TNR: variants seen among roughly 807,000 people sequenced by gnomAD.
The protein encoded by TNR is tenascin-R.
In TNR, 45 loss-of-function variants were observed where a neutral mutation model predicts 150.4. The observed-to-expected ratio is 0.30, with a 90% CI of 0.24 to 0.38. The LOEUF is 0.38. TNR is among the 10% of genes least tolerant of loss of function. TNR has a pLI of 1.00. For missense variants in TNR, 1,544 were observed against 1,759.1 expected (o/e 0.88, Z 2.19); for synonymous variants, 687 against 678.4 (o/e 1.01, Z -0.20).
chr1:175,405,648 T>TGC (rs902746289), intron 3 of TNR, among the ~76,000 whole-genome samples: 3 of 143,112 alleles, frequency 2.1e-5, no homozygotes, highest in African/African-American at 7.8e-5. Context: ...TGTGTGTGTG[T>TGC]GCATACGCTT....
chr1:175,406,913 G>C, intron 2 of TNR, 136 bp from the exon 3 acceptor site: 1 of 644,494 alleles, frequency 1.6e-6, no homozygotes, highest in Non-Finnish European at 2.6e-6. Flanking sequence ...GACAGTGGCT[G>C]CCAATGTCAT....
rs184806395 is a variant in TNR, at chr1:175,625,669, C to G, written c.-164-97300G>C. Among the ~76,000 whole-genome samples, 8 of 152,334 alleles carry G rather than the reference C, an allele frequency of 5.3e-5. No individual in the cohort carries two copies. In the East Asian group the frequency reaches 1.5e-3, roughly 29 times the overall value. On this transcript the variant is annotated intron_variant, in intron 1 of 22. Coordinates refer to ENST00000367674, the MANE Select transcript of TNR (RefSeq NM_003285.3). ...CTGTTAAAGGGCTCCCCACTACTTC[C>G]AGCCTTCGCCTGTGAGAGCAGGCAC...
chr1:175,626,720 TG>T (rs1298969336), intron 1 of TNR, among the ~76,000 whole-genome samples: 2 of 152,230 alleles, frequency 1.3e-5, no homozygotes, highest in Admixed American at 1.3e-4. Flanking sequence ...GATTCAATGC[TG>T]GGCCCCAGAA....
At chr1:175,365,797 G>A in intron 11 of TNR, 78 bp downstream of exon 11, 4 of 1,544,040 alleles carry the variant, frequency 2.6e-6, no homozygotes, top group South Asian at 1.3e-5. Flanking sequence ...CATTGGAAGA[G>A]TGACTTGCCT....
At chr1:175,409,207 T>G (rs1190337230) in intron 2 of TNR, among the ~76,000 whole-genome samples, 3 of 152,232 alleles carry the variant, frequency 2.0e-5, no homozygotes, top group Non-Finnish European at 4.4e-5. Flanking sequence ...GCTATCTTTC[T>G]TATTGAATCC....
chr1:175,707,555 T>G (rs958065817), intron 1 of TNR, among the ~76,000 whole-genome samples: 6 of 152,184 alleles, frequency 3.9e-5, no homozygotes, highest in Non-Finnish European at 8.8e-5. Context: ...CTGATCTGCC[T>G]TTAGAGGGTA....
Position 175,430,828 on chromosome 1 carries a change from G to A in TNR, c.-63-24051C>T, listed in dbSNP as rs540131286. Among the ~76,000 whole-genome samples, 33 of 152,286 alleles carry A rather than the reference G, an allele frequency of 2.2e-4. 1 individual carries two copies. Among genetic ancestry groups the A allele is most frequent in the African/African-American group, 7.9e-4 (33 of 41,556 alleles). On this transcript the variant is annotated intron_variant, in intron 2 of 22. Transcript: ENST00000367674. Reference sequence around the variant, plus strand: ...TCTACCATATAGACAAGAGGGCTCAGGGAAACATCATTACTTAAAGGAAAA... The same window carrying A: ...TCTACCATATAGACAAGAGGGCTCAAGGAAACATCATTACTTAAAGGAAAA...
chr1:175,451,819 T>G (rs555673936), intron 2 of TNR, among the ~76,000 whole-genome samples: 10 of 152,338 alleles, frequency 6.6e-5, no homozygotes, highest in African/African-American at 2.2e-4. Flanking sequence ...AGACACAGAC[T>G]AATGCGTTCT....
At chr1:175,631,384 G>C (rs1664321684) in intron 1 of TNR, among the ~76,000 whole-genome samples, 1 of 152,226 alleles carries the variant, frequency 6.6e-6, no homozygotes, top group Non-Finnish European at 1.5e-5. Context: ...TCTATAGCAA[G>C]CTTGTTCAAT....
At chr1:175,369,063 T>C (rs974429572) in intron 9 of TNR, among the ~76,000 whole-genome samples, 1 of 152,224 alleles carries the variant, frequency 6.6e-6, no homozygotes, top group Non-Finnish European at 1.5e-5. Flanking sequence ...CGGTAGGCTC[T>C]TTTTGGGGCT....
chr1:175,441,230 G>T (rs1222231918), intron 2 of TNR, among the ~76,000 whole-genome samples: 5 of 151,960 alleles, frequency 3.3e-5, no homozygotes, highest in African/African-American at 9.7e-5. Context: ...TTAGGGTTTT[G>T]GTTTTCTTTT....
chr1:175,456,727 TC>T (rs1490709201), intron 2 of TNR, among the ~76,000 whole-genome samples: 2 of 152,196 alleles, frequency 1.3e-5, no homozygotes, highest in African/African-American at 4.8e-5. Flanking sequence ...TTATAAACTT[TC>T]CCTCCACATC....
At chr1:175,354,355 G>A in intron 18 of TNR, 36 bp downstream of exon 18, 1 of 1,608,000 alleles carries the variant, frequency 6.2e-7, no homozygotes, top group East Asian at 2.2e-5. Flanking sequence ...ATCAGGAAGT[G>A]GAGAAGAAGG....
At chr1:175,494,098 C>T (rs1658372968) in intron 2 of TNR, among the ~76,000 whole-genome samples, 1 of 152,150 alleles carries the variant, frequency 6.6e-6, no homozygotes, top group African/African-American at 2.4e-5. Context: ...TCCCGGATTC[C>T]TCCCACCAGC....
At chr1:175,591,039 A>G (rs1185954694) in intron 1 of TNR, among the ~76,000 whole-genome samples, 2 of 152,226 alleles carry the variant, frequency 1.3e-5, no homozygotes, top group Non-Finnish European at 2.9e-5. Context: ...CAGATCTCTG[A>G]ACTGGGGAGG....
chr1:175,654,786 T>TCAGCTCA (rs1356698900), intron 1 of TNR, among the ~76,000 whole-genome samples: 2 of 130,938 alleles, frequency 1.5e-5, no homozygotes, highest in African/African-American at 5.8e-5. Context: ...TGGCGCGACC[T>TCAGCTCA]CAGCTCACTG....
intron 1 of TNR, among the ~76,000 whole-genome samples, chr1:175,594,681 C>T (rs113677155): frequency 2.0e-5 from 3 of 151,786 alleles, no homozygotes; most frequent in African/African-American, 4.8e-5. Context: ...ACAGCAAATC[C>T]CCATCTCTAC....
chr1:175,405,628 T>A (rs201063786), intron 3 of TNR, among the ~76,000 whole-genome samples: 35,794 of 148,650 alleles, frequency 0.24, 4,931 homozygotes, highest in East Asian at 0.52. Context: ...AGTGTGTGTG[T>A]GTGTGTGTGT....
At chr1:175,440,460 G>A (rs1426996265) in intron 2 of TNR, among the ~76,000 whole-genome samples, 3 of 151,386 alleles carry the variant, frequency 2.0e-5, no homozygotes, top group Non-Finnish European at 4.4e-5. Flanking sequence ...CACCAACATG[G>A]CACATGTATA....
Sources: allele counts gnomAD v4.1 joint callset (sites outside exome capture counted in the v4.1 genomes callset), GRCh38; gene constraint gnomAD v4.1.1; transcripts MANE v1.5; gene names NCBI Gene and HGNC (gene_info 2026-07-23, HGNC 2026-07-21).